ZNF695: variants seen among roughly 807,000 people sequenced by gnomAD.
ZNF695 encodes the protein zinc finger protein SBZF3.
Under a neutral mutation model 11.2 loss-of-function variants are expected in ZNF695, and 11 were observed. The ratio of observed to expected loss-of-function variants is 0.98; its 90% CI spans 0.62 to 1.62. ZNF695 has a LOEUF of 1.62. ZNF695 is among the 40% of genes most tolerant of loss of function. The probability of loss-of-function intolerance (pLI) is 0.00; values close to 1 mark genes in which losing one functional copy is unlikely to be tolerated. For synonymous variants in ZNF695, 190 were observed against 201.4 expected (o/e 0.94, Z 0.48); for missense variants, 559 against 590.5 (o/e 0.95, Z 0.55).
intron 5 of ZNF695, among the ~76,000 whole-genome samples, chr1:246,962,524 A>C (rs1346893408): frequency 6.6e-6 from 1 of 152,154 alleles, no homozygotes; most frequent in African/African-American, 2.4e-5. Context: ...CACTGACTTA[A>C]TTCAGGTCCT....
At chr1:246,975,848 G>A (rs1187899761) in intron 4 of ZNF695, among the ~76,000 whole-genome samples, 3 of 152,178 alleles carry the variant, frequency 2.0e-5, no homozygotes, top group Non-Finnish European at 4.4e-5. Context: ...AATCTTTAAA[G>A]AGGCTAAGTC....
chr1:246,982,219 G>A (rs1306743718), downstream of ZNF695, among the ~76,000 whole-genome samples: 10 of 140,930 alleles, frequency 7.1e-5, no homozygotes, highest in African/African-American at 1.3e-4. Context: ...GCGGTGAGCC[G>A]AGATCGCGCC....
At chr1:246,962,806 C>T (rs1460074597) in intron 5 of ZNF695, among the ~76,000 whole-genome samples, 5 of 152,066 alleles carry the variant, frequency 3.3e-5, no homozygotes, top group African/African-American at 1.2e-4. Context: ...CATTCTCCTG[C>T]CTCAGCCTCC....
chr1:246,973,295 C>T (rs555381639), intron 4 of ZNF695, among the ~76,000 whole-genome samples: 121 of 152,242 alleles, frequency 7.9e-4, no homozygotes, highest in African/African-American at 2.8e-3. Flanking sequence ...GTGATCTGCC[C>T]GCCTCAACCT....
At chr1:246,961,312 G>T (rs1018426709) in intron 5 of ZNF695, among the ~76,000 whole-genome samples, 2 of 152,178 alleles carry the variant, frequency 1.3e-5, no homozygotes, top group Non-Finnish European at 2.9e-5. Context: ...ATTTGTTCAT[G>T]TGACAATCTT....
chr1:246,948,291 CTTGA>C (rs1667789260), intron 5 of ZNF695, among the ~76,000 whole-genome samples: 1 of 152,110 alleles, frequency 6.6e-6, no homozygotes, highest in Admixed American at 6.6e-5. Context: ...CCAGGCTGGT[CTTGA>C]ACTCCTGACC....
intron 5 of ZNF695, chr1:246,967,692 C>A (rs1668323416): frequency 5.3e-6 from 2 of 380,638 alleles, no homozygotes; most frequent in South Asian, 4.0e-5. Flanking sequence ...TTAATCAACT[C>A]ACGGTTCTGT....
intron 4 of ZNF695, chr1:246,969,006 T>C (rs1394647943): frequency 6.6e-6 from 1 of 152,260 alleles, no homozygotes; most frequent in African/African-American, 2.4e-5. Context: ...GGGGCATTTT[T>C]CCCATTGTCT....
chr1:246,977,921 C>A (rs190203246), intron 4 of ZNF695, among the ~76,000 whole-genome samples: 4 of 152,132 alleles, frequency 2.6e-5, no homozygotes, highest in African/African-American at 9.7e-5. Context: ...CACCTCCAGG[C>A]AATTGAATCA....
rs1397023469 is a variant in ZNF695 at position 246,988,067 on chromosome 1, T to C, written c.448A>G (p.Thr150Ala). 6.8e-6 allele frequency: 11 copies of C among 1,606,940 alleles called. No homozygotes were observed. The highest frequency in any genetic ancestry group is 9.3e-6 in the Non-Finnish European group (11 of 1,178,164). ...SYNGLDLCSA[T>A]THSKNFQCNK... ...CATTGAAAGTTTTTGCTATGAGTAG[T>C]TGCTGAGCATAGGTCAAGTCCATTA... Residue 150 changes from threonine to alanine, a missense_variant, in exon 4 of 4, where the codon ACT (threonine) becomes GCT (alanine). Thr to Ala is a moderately conservative substitution (Grantham distance 58, BLOSUM62 0). Transcript: ENST00000339986.
At chr1:247,003,289 C>G (rs1288633563) in intron 1 of ZNF695, among the ~76,000 whole-genome samples, 1 of 152,128 alleles carries the variant, frequency 6.6e-6, no homozygotes, top group Non-Finnish European at 1.5e-5. Context: ...CTATAACAAA[C>G]ACAAAATCAT....
At chr1:246,959,296 A>T (rs1441539348) in intron 5 of ZNF695, among the ~76,000 whole-genome samples, 5 of 63,436 alleles carry the variant, frequency 7.9e-5, no homozygotes, top group Admixed American at 1.9e-4. Context: ...AAAAAAAAAA[A>T]AAAAAAAAAA....
chr1:246,952,928 T>G (rs974118176), intron 5 of ZNF695, among the ~76,000 whole-genome samples: 1 of 151,646 alleles, frequency 6.6e-6, no homozygotes, highest in Non-Finnish European at 1.5e-5. Context: ...CTGTATAAAT[T>G]TTGTTTTAAA....
chr1:246,994,218 T>C (rs756626216), intron 3 of ZNF695, among the ~76,000 whole-genome samples: 16 of 151,900 alleles, frequency 1.1e-4, no homozygotes, highest in Non-Finnish European at 1.8e-4. Flanking sequence ...AAAAAATTTG[T>C]ATGTGACTGA....
intron 5 of ZNF695, among the ~76,000 whole-genome samples, chr1:246,958,089 T>C (rs1199174717): frequency 9.9e-5 from 15 of 151,254 alleles, no homozygotes; most frequent in Non-Finnish European, 1.3e-4. Flanking sequence ...GACAGAGTCT[T>C]GCTCTGTCGC....
At chr1:246,989,105 A>AC (rs1427764980) in intron 3 of ZNF695, among the ~76,000 whole-genome samples, 3 of 151,472 alleles carry the variant, frequency 2.0e-5, no homozygotes, top group Admixed American at 1.3e-4. Context: ...GAAAAAAAAA[A>AC]AAAAACGACA....
chr1:247,004,388 A>C (rs1669478041), intron 1 of ZNF695, among the ~76,000 whole-genome samples: 2 of 152,224 alleles, frequency 1.3e-5, no homozygotes, highest in Non-Finnish European at 2.9e-5. Context: ...ATAAAATTCA[A>C]CATCCTTCAT....
At chr1:247,004,102 C>T (rs1436325420) in intron 1 of ZNF695, among the ~76,000 whole-genome samples, 2 of 152,174 alleles carry the variant, frequency 1.3e-5, no homozygotes, top group African/African-American at 4.8e-5. Flanking sequence ...ATCCCAGCTA[C>T]TCGGGAGGCT....
At chr1:246,983,033 C>G (rs1307813601), downstream of ZNF695, among the ~76,000 whole-genome samples, 2 of 151,428 alleles carry the variant, frequency 1.3e-5, no homozygotes, top group African/African-American at 4.9e-5. Context: ...GAAACCCTGT[C>G]TCTACTGAAA....
Sources: gnomAD v4.1 joint callset for allele counts (sites outside exome capture counted in the v4.1 genomes callset) on GRCh38, gnomAD v4.1.1 for gene constraint, MANE v1.5 for transcripts, NCBI Gene and HGNC (gene_info 2026-07-23, HGNC 2026-07-21) for gene names.